The following SIPA1L3 variants were observed in gnomAD, a reference collection of about 807,000 sequenced individuals.
The protein encoded by SIPA1L3 is signal induced proliferation associated 1 like 3.
In SIPA1L3, 59 loss-of-function variants were observed where a neutral mutation model predicts 150.1. The ratio of observed to expected loss-of-function variants is 0.39; its 90% CI spans 0.32 to 0.49. The LOEUF is 0.49. Among genes scored for constraint, SIPA1L3 ranks in the 20% least tolerant of loss-of-function variants. SIPA1L3 has a pLI of 0.86. For missense variants in SIPA1L3, 2,211 were observed against 2,489.5 expected, an observed-to-expected ratio of 0.89 and a Z score of 2.38; for synonymous variants, 1,070 against 1,077.6, an observed-to-expected ratio of 0.99 and a Z score of 0.14.
chr19:38,039,638 G>T (rs985346986), intron 2 of SIPA1L3, among the ~76,000 whole-genome samples: 1 of 145,554 alleles, frequency 6.9e-6, no homozygotes, highest in African/African-American at 2.5e-5. Context: ...AGGTTGCAGT[G>T]AGCCAAGATT....
chr19:37,922,892 G>T (rs2431125), intron 1 of SIPA1L3, among the ~76,000 whole-genome samples: 1 of 150,434 alleles, frequency 6.6e-6, no homozygotes, highest in Non-Finnish European at 1.5e-5. Context: ...ACTTTGGGAG[G>T]CCAAGGCAGG....
rs531803788 is a variant in SIPA1L3, at chr19:38,072,053, C to T, written c.-310-9203C>T. 1.1e-4 allele frequency among the ~76,000 whole-genome samples: 17 copies of T among 152,338 alleles called. No homozygotes were observed. In the South Asian group the frequency reaches 3.3e-3, roughly 30 times the overall value. On this transcript the variant is annotated intron_variant, in intron 2 of 21. Coordinates refer to ENST00000222345, the MANE Select transcript of SIPA1L3 (RefSeq NM_015073.3). ...TGGCGACACACGTTTAAATGAGAATCACAGAGGTCCAGGCGCTGCCTGTGA... is the reference window on the plus strand; with the variant it reads ...TGGCGACACACGTTTAAATGAGAATTACAGAGGTCCAGGCGCTGCCTGTGA...
In SIPA1L3 at chr19:37,984,767, G is replaced by T. The variant is rs79329458; in HGVS notation, c.-378-44322G>T. ...GACAACAGTAGTGATTGTTCTGTAG[G>T]CTGCTGTGGAATATGGCTGGTACTC... On this transcript the variant is annotated intron_variant, in intron 1 of 21. Coordinates refer to ENST00000222345, the MANE Select transcript of SIPA1L3 (RefSeq NM_015073.3). Among the ~76,000 whole-genome samples the T allele has an allele frequency of 5.2e-3, 788 of 152,346 alleles. 9 individuals carry two copies. The highest frequency in any genetic ancestry group is 0.016 in the African/African-American group (684 of 41,574).
Position 38,201,950 on chromosome 19 carries a change from G to T in SIPA1L3, c.5073G>T (p.Leu1691=). Residue 1691 remains leucine, a synonymous_variant, in exon 20 of 22, where the codon CTG becomes CTT. Transcript: ENST00000222345. ...PPAHSPVHSH[L]SLERGPPTPR... is the part of the protein sequence containing the mutation. ...CACACAGTCCTGTCCACAGCCACCT[G>T]AGCCTGGAGAGGGGACCCCCGACCC... is the stretch of plus-strand genomic sequence containing the variant. 6.2e-7 allele frequency: 1 copy of T among 1,613,768 alleles called. No individual in the cohort carries two copies. The highest frequency in any genetic ancestry group is 1.1e-5 in the South Asian group (1 of 91,034).
At chr19:37,915,916 G>A (rs1009170770) in intron 1 of SIPA1L3, among the ~76,000 whole-genome samples, 1 of 152,042 alleles carries the variant, frequency 6.6e-6, no homozygotes, top group African/African-American at 2.4e-5. Context: ...GGGTGGGCAT[G>A]GTGGCTCAGG....
intron 9 of SIPA1L3, among the ~76,000 whole-genome samples, chr19:38,122,424 G>A (rs855625): frequency 0.23 from 34,713 of 152,088 alleles, 5,223 homozygotes; most frequent in African/African-American, 0.43. Context: ...CTCCACTTCT[G>A]TAGGCAGGCA....
intron 4 of SIPA1L3, among the ~76,000 whole-genome samples, chr19:38,097,897 T>C (rs973402440): frequency 1.3e-5 from 2 of 152,180 alleles, no homozygotes; most frequent in African/African-American, 4.8e-5. Context: ...ACCATACACA[T>C]ACCAAATATA....
At chr19:38,101,027 C>T in intron 5 of SIPA1L3, 25 bp from the exon 6 acceptor site, 1 of 1,513,196 alleles carries the variant, frequency 6.6e-7, no homozygotes, top group Non-Finnish European at 8.9e-7. Context: ...GGCCTGCCTC[C>T]ACAAAGCCAC....
At chr19:37,920,849 C>T (rs563084581) in intron 1 of SIPA1L3, among the ~76,000 whole-genome samples, 4 of 152,354 alleles carry the variant, frequency 2.6e-5, no homozygotes, top group South Asian at 2.1e-4. Context: ...CAGCGAACAC[C>T]GTGGCACTGG....
intron 1 of SIPA1L3, among the ~76,000 whole-genome samples, chr19:37,996,899 G>A (rs959292379): frequency 6.6e-6 from 1 of 151,940 alleles, no homozygotes; most frequent in African/African-American, 2.4e-5. Context: ...GTTTCACCAT[G>A]TTGGCCAGGC....
intron 2 of SIPA1L3, among the ~76,000 whole-genome samples, chr19:38,072,742 G>GTT: frequency 6.6e-6 from 1 of 152,280 alleles, no homozygotes; most frequent in Non-Finnish European, 1.5e-5. Context: ...AAGGGAAGTC[G>GTT]GGACTGTTGG....
intron 2 of SIPA1L3, among the ~76,000 whole-genome samples, chr19:38,068,478 G>C (rs1969646580): frequency 6.6e-6 from 1 of 152,132 alleles, no homozygotes; most frequent in South Asian, 2.1e-4. Context: ...TTGGAGCACA[G>C]GGCAAAGGGG....
chr19:38,192,514 C>T (rs1972826813), intron 17 of SIPA1L3, among the ~76,000 whole-genome samples: 1 of 152,192 alleles, frequency 6.6e-6, no homozygotes, highest in Non-Finnish European at 1.5e-5. Flanking sequence ...GGGATGGAAT[C>T]ACAGGATAAG....
rs942296824 is a variant in SIPA1L3 at position 38,097,896 on chromosome 19, A to G, written c.1666-2066A>G. Among the ~76,000 whole-genome samples, 8 of 152,338 alleles carry G rather than the reference A, an allele frequency of 5.3e-5. No individual in the cohort carries two copies. The East Asian group carries it at 7.7e-4, about 15-fold the overall frequency. The stretch of plus-strand genomic sequence containing the variant: ...TATTTGGATATACCTCACCATACAC[A>G]TACCAAATATATATATCTCAAAACA... On this transcript the variant is annotated intron_variant, in intron 4 of 21. Transcript: ENST00000222345.
chr19:37,952,281 C>G (rs777508144), intron 1 of SIPA1L3, among the ~76,000 whole-genome samples: 1 of 152,094 alleles, frequency 6.6e-6, no homozygotes, highest in Non-Finnish European at 1.5e-5. Flanking sequence ...GCCCTTTTTC[C>G]CCTCAAGTCA....
intron 1 of SIPA1L3, among the ~76,000 whole-genome samples, chr19:38,008,259 G>C (rs940230013): frequency 2.9e-5 from 3 of 103,930 alleles, no homozygotes; most frequent in African/African-American, 3.7e-5. Flanking sequence ...ATGGAGTCTT[G>C]CTCTGTCTGC....
At chr19:38,034,698 G>A (rs895725556) in intron 2 of SIPA1L3, among the ~76,000 whole-genome samples, 1 of 152,188 alleles carries the variant, frequency 6.6e-6, no homozygotes, top group African/African-American at 2.4e-5. Flanking sequence ...CACTGGTTCA[G>A]GTCTAGTCCT....
intron 1 of SIPA1L3, among the ~76,000 whole-genome samples, chr19:37,948,416 G>A (rs891424036): frequency 6.6e-6 from 1 of 151,626 alleles, no homozygotes; most frequent in African/African-American, 2.4e-5. Flanking sequence ...GCAGTGAGCC[G>A]TGATTGTGCC....
chr19:38,124,007 A>C (rs1238878887), intron 9 of SIPA1L3, among the ~76,000 whole-genome samples: 50 of 98,082 alleles, frequency 5.1e-4, no homozygotes, highest in African/African-American at 1.3e-3. Flanking sequence ...GACGGGGCGG[A>C]TGGCCGGGCA....
Sources: allele counts gnomAD v4.1 joint callset (sites outside exome capture counted in the v4.1 genomes callset), GRCh38; gene constraint gnomAD v4.1.1; transcripts MANE v1.5; gene names NCBI Gene and HGNC (gene_info 2026-07-23, HGNC 2026-07-21).